CNTNAP5: variants seen among roughly 807,000 people sequenced by gnomAD.
CNTNAP5 encodes the protein contactin-associated protein-like 5.
CNTNAP5 carries 72 observed loss-of-function variants against 150.2 expected under a neutral mutation model. That is an observed-to-expected ratio of 0.48 (90% CI 0.40 to 0.58). The LOEUF (loss-of-function observed/expected upper bound fraction) is 0.58. CNTNAP5 is among the 20% of genes least tolerant of loss of function. The probability of loss-of-function intolerance (pLI) is 0.00; values close to 1 mark genes in which losing one functional copy is unlikely to be tolerated. For synonymous variants in CNTNAP5, 672 were observed against 619.8 expected, an observed-to-expected ratio of 1.08 and a Z score of -1.25; for missense variants, 1,636 against 1,626.2, an observed-to-expected ratio of 1.01 and a Z score of -0.10.
chr2:124,575,581 T>G (rs2104943559), intron 11 of CNTNAP5, among the ~76,000 whole-genome samples: 1 of 152,340 alleles, frequency 6.6e-6, no homozygotes, highest in South Asian at 2.1e-4. Flanking sequence ...TGGAATGTTC[T>G]TCCTGACTTG....
intron 7 of CNTNAP5, among the ~76,000 whole-genome samples, chr2:124,475,757 C>A (rs1693625101): frequency 6.6e-6 from 1 of 152,092 alleles, no homozygotes; most frequent in Admixed American, 6.6e-5. Context: ...CATCCTTTTG[C>A]TCTTAACCTG....
intron 11 of CNTNAP5, among the ~76,000 whole-genome samples, chr2:124,588,206 TTCTTTCTTTCTTTC>T (rs1696596050): frequency 6.8e-6 from 1 of 148,070 alleles, no homozygotes; most frequent in African/African-American, 2.5e-5. Flanking sequence ...CTTTCTTTCT[TTCTTTCTTTCTTTC>T]TTTCTTTCTT....
chr2:124,426,442 A>T (rs1692239658), intron 4 of CNTNAP5, among the ~76,000 whole-genome samples: 1 of 152,208 alleles, frequency 6.6e-6, no homozygotes, highest in African/African-American at 2.4e-5. Context: ...TCAGTGCAAG[A>T]GTATGGTCTG....
intron 3 of CNTNAP5, among the ~76,000 whole-genome samples, chr2:124,247,933 T>A (rs1335570492): frequency 2.6e-5 from 4 of 152,206 alleles, no homozygotes; most frequent in African/African-American, 9.7e-5. Flanking sequence ...TAAATGGTTC[T>A]CTCCTTTGTT....
At chr2:124,308,603 T>C (rs1688747110) in intron 3 of CNTNAP5, among the ~76,000 whole-genome samples, 1 of 152,318 alleles carries the variant, frequency 6.6e-6, no homozygotes, top group Admixed American at 6.5e-5. Context: ...AATCAGTTTG[T>C]TTGAGTGATA....
At chr2:124,707,040 AG>A (rs1381682493) in intron 13 of CNTNAP5, among the ~76,000 whole-genome samples, 2,016 of 114,906 alleles carry the variant, frequency 0.018, 188 homozygotes, top group African/African-American at 0.067. Flanking sequence ...AAGAAGAAGA[AG>A]GAGGAGGAGG....
rs1695910429 is a variant in CNTNAP5, at chr2:124,562,277, AC to A, written c.1650-939del. Among the ~76,000 whole-genome samples the A allele has an allele frequency of 1.3e-5, 2 of 152,212 alleles. 1 individual carries two copies. The highest frequency in any genetic ancestry group is 4.1e-4 in the South Asian group (2 of 4,826). Reference sequence around the variant, plus strand: ...GTGGTGTTCATGCTTCGTATCTTAAACTTTTACTTAATCTATTATAATCATG... The same window carrying A: ...GTGGTGTTCATGCTTCGTATCTTAAATTTTACTTAATCTATTATAATCATG... On this transcript the variant is annotated intron_variant, in intron 10 of 23. Coordinates refer to ENST00000682447, the MANE Select transcript of CNTNAP5 (RefSeq NM_001367498.1).
chr2:124,128,374 A>T (rs1347942786), intron 1 of CNTNAP5, among the ~76,000 whole-genome samples: 2 of 152,188 alleles, frequency 1.3e-5, no homozygotes, highest in Non-Finnish European at 1.5e-5. Context: ...ACCATCTCAT[A>T]CCAGTTAGAA....
chr2:124,461,562 G>A (rs1693254355), intron 6 of CNTNAP5, among the ~76,000 whole-genome samples: 2 of 150,808 alleles, frequency 1.3e-5, no homozygotes, highest in African/African-American at 2.4e-5. Flanking sequence ...AGCATTAGGA[G>A]ATATACCTAA....
intron 12 of CNTNAP5, among the ~76,000 whole-genome samples, chr2:124,633,234 CA>C (rs1187826191): frequency 2.0e-5 from 3 of 152,310 alleles, no homozygotes; most frequent in African/African-American, 4.8e-5. Context: ...TCCAGTGTCT[CA>C]CTTGAGACAA....
intron 11 of CNTNAP5, among the ~76,000 whole-genome samples, chr2:124,600,280 T>G (rs188589708): frequency 3.2e-4 from 49 of 152,196 alleles, no homozygotes; most frequent in Admixed American, 1.7e-3. Flanking sequence ...AAACAGCAAC[T>G]TCAGTGATGG....
At chr2:124,708,786 T>C (rs1232500506) in intron 13 of CNTNAP5, among the ~76,000 whole-genome samples, 1 of 152,172 alleles carries the variant, frequency 6.6e-6, no homozygotes, top group African/African-American at 2.4e-5. Flanking sequence ...TGGGCACTAA[T>C]TGCTGAGTTC....
intron 13 of CNTNAP5, among the ~76,000 whole-genome samples, chr2:124,741,419 A>G (rs1680495613): frequency 6.6e-6 from 1 of 152,194 alleles, no homozygotes; most frequent in Admixed American, 6.5e-5. Context: ...AAACAATTGC[A>G]AGATTACAGA....
At chr2:124,575,888 A>G (rs1367297111) in intron 11 of CNTNAP5, among the ~76,000 whole-genome samples, 1 of 152,240 alleles carries the variant, frequency 6.6e-6, no homozygotes, top group African/African-American at 2.4e-5. Flanking sequence ...AAGGTGAAAG[A>G]TAGCAAATCA....
At chr2:124,080,405 A>T (rs560064635) in intron 1 of CNTNAP5, among the ~76,000 whole-genome samples, 6 of 152,226 alleles carry the variant, frequency 3.9e-5, no homozygotes, top group Non-Finnish European at 5.9e-5. Context: ...TTAAATTGCC[A>T]TAAACTAAGA....
chr2:124,241,085 C>T (rs1175968122), intron 2 of CNTNAP5, among the ~76,000 whole-genome samples: 1 of 152,166 alleles, frequency 6.6e-6, no homozygotes, highest in Non-Finnish European at 1.5e-5. Flanking sequence ...TGGCATAATA[C>T]AGTCTGCGAT....
intron 3 of CNTNAP5, among the ~76,000 whole-genome samples, chr2:124,381,006 C>A (rs1295555558): frequency 6.6e-6 from 1 of 152,126 alleles, no homozygotes; most frequent in Non-Finnish European, 1.5e-5. Flanking sequence ...GAGAAGGTGG[C>A]ATTGGAGCTG....
At chr2:124,786,371 GAAAGAAAGAAAGAAAGAAAGAAA>G (rs1681575736) in intron 17 of CNTNAP5, among the ~76,000 whole-genome samples, 2 of 68,690 alleles carry the variant, frequency 2.9e-5, no homozygotes, top group African/African-American at 1.4e-4. Flanking sequence ...AAGAAAGAAA[GAAAGAAAGAAAGAAAGAAAGAAA>G]GAAAGAAGGA....
At chr2:124,707,060 G>GAAGA (rs1558743526) in intron 13 of CNTNAP5, among the ~76,000 whole-genome samples, 2 of 94,314 alleles carry the variant, frequency 2.1e-5, no homozygotes, top group African/African-American at 3.7e-5. Flanking sequence ...GGAGGAGGAG[G>GAAGA]AGAGGAAGAG....
Sources: gnomAD v4.1 joint callset for allele counts (sites outside exome capture counted in the v4.1 genomes callset) on GRCh38, gnomAD v4.1.1 for gene constraint, MANE v1.5 for transcripts, NCBI Gene and HGNC (gene_info 2026-07-23, HGNC 2026-07-21) for gene names.